The following UBE4A variants were observed in gnomAD, a reference collection of about 807,000 sequenced individuals.
UBE4A encodes the protein ubiquitination factor E4A.
UBE4A carries 48 observed loss-of-function variants against 117.9 expected under a neutral mutation model. The ratio of observed to expected loss-of-function variants is 0.41; its 90% CI spans 0.32 to 0.52. UBE4A has a LOEUF of 0.52. UBE4A is among the 20% of genes least tolerant of loss of function. UBE4A has a pLI of 0.33. For missense variants in UBE4A, 1,067 were observed against 1,296.3 expected (o/e 0.82, Z 2.72); for synonymous variants, 407 against 450.0 (o/e 0.90, Z 1.21).
At chr11:118,395,310 A>G (rs1232292444) in intron 19 of UBE4A, among the ~76,000 whole-genome samples, 1 of 151,758 alleles carries the variant, frequency 6.6e-6, no homozygotes, top group Non-Finnish European at 1.5e-5. Context: ...AGCCAGGGCA[A>G]CAGAACAAGA....
chr11:118,360,508 T>G (rs1948511864), intron 1 of UBE4A, among the ~76,000 whole-genome samples: 1 of 152,236 alleles, frequency 6.6e-6, no homozygotes, highest in South Asian at 2.1e-4. Flanking sequence ...GTTTCTTAAT[T>G]TCTATTTTAA....
At chr11:118,376,521 G>A (rs1948653778) in intron 9 of UBE4A, 53 bp from the exon 10 acceptor site, 3 of 1,597,618 alleles carry the variant, frequency 1.9e-6, no homozygotes, top group Non-Finnish European at 2.6e-6. Flanking sequence ...GAGTGTAAGA[G>A]GAGACTGGAG....
At chr11:118,380,126 TGTGTGTGC>T (rs1299530178) in intron 11 of UBE4A, among the ~76,000 whole-genome samples, 15 of 69,028 alleles carry the variant, frequency 2.2e-4, no homozygotes, top group East Asian at 2.4e-3. Context: ...AGTGTGTGTG[TGTGTGTGC>T]GTGTGTGTGT....
At position 118,373,181 on chromosome 11, in the gene UBE4A, T is replaced by G; in HGVS notation, c.817T>G (p.Phe273Val). Residue 273 changes from phenylalanine (F) to valine (V), a missense_variant, in exon 7 of 20, where the codon TTT (phenylalanine) becomes GTT (valine). Coordinates refer to ENST00000252108, the MANE Select transcript of UBE4A (RefSeq NM_001204077.2). ...ATTTCCAGAAGTCATGATTCCAGTGTTTGATATTTTATTGGGCCGAATAAA... is the reference window on the plus strand; with the variant it reads ...ATTTCCAGAAGTCATGATTCCAGTGGTTGATATTTTATTGGGCCGAATAAA... ...RTFPEVMIPV[F>V]DILLGRIKDL... 6.2e-7 allele frequency: 1 copy of G among 1,614,042 alleles called. No individual in the cohort carries two copies. Among genetic ancestry groups the G allele is most frequent in the South Asian group, 1.1e-5 (1 of 91,068 alleles).
At chr11:118,390,906 G>C in intron 18 of UBE4A, 102 bp downstream of exon 18, 1 of 1,464,568 alleles carries the variant, frequency 6.8e-7, no homozygotes, top group South Asian at 1.2e-5. Context: ...AGAGCCTAAG[G>C]CTAGAGGATC....
At chr11:118,377,370 G>A (rs1246001623) in intron 10 of UBE4A, among the ~76,000 whole-genome samples, 1 of 151,880 alleles carries the variant, frequency 6.6e-6, no homozygotes, top group African/African-American at 2.4e-5. Flanking sequence ...ACCATGCCCA[G>A]CTGATTTTGT....
At chr11:118,364,712 T>A (rs570819587) in intron 1 of UBE4A, among the ~76,000 whole-genome samples, 56 of 152,274 alleles carry the variant, frequency 3.7e-4, no homozygotes, top group African/African-American at 1.3e-3. Context: ...AGGTGAGTTC[T>A]CTCTTTGACT....
intron 9 of UBE4A, among the ~76,000 whole-genome samples, chr11:118,375,550 G>A (rs545277808): frequency 3.3e-5 from 5 of 151,710 alleles, no homozygotes; most frequent in Non-Finnish European, 7.4e-5. Flanking sequence ...TAATAGAGAC[G>A]GAGTTTCACC....
At chr11:118,383,011 T>C (rs1256430919) in intron 13 of UBE4A, among the ~76,000 whole-genome samples, 1 of 152,144 alleles carries the variant, frequency 6.6e-6, no homozygotes, top group Non-Finnish European at 1.5e-5. Flanking sequence ...TTTTTAATTA[T>C]TCTTGTTTTA....
intron 11 of UBE4A, among the ~76,000 whole-genome samples, chr11:118,381,051 C>T (rs1421885281): frequency 6.6e-6 from 1 of 152,110 alleles, no homozygotes; most frequent in African/African-American, 2.4e-5. Context: ...AGTCTGGCTA[C>T]CACAGTCACC....
chr11:118,372,045 A>G (rs928366735), intron 5 of UBE4A, among the ~76,000 whole-genome samples: 1 of 152,202 alleles, frequency 6.6e-6, no homozygotes, highest in Admixed American at 6.5e-5. Flanking sequence ...GGATCACATG[A>G]GGCCAGGAGT....
In UBE4A at chr11:118,375,168, A is replaced by G. The variant is rs782378532; in HGVS notation, c.1389A>G (p.Thr463=). The G allele has an allele frequency of 9.9e-6, 16 of 1,613,832 alleles. No individual in the cohort carries two copies. The African/African-American group carries it at 1.7e-4, about 18-fold the overall frequency. ...RSSRLLTFNP[T]YCALKELNDE... ...CTCGGCTCCTCACCTTTAATCCCAC[A>G]TACTGTGCCCTCAAGGAGTTGAATG... is the stretch of plus-strand genomic sequence containing the variant. The change falls in exon 9 of 20, where the codon ACA becomes ACG. Residue 463 remains threonine, a synonymous_variant. Coordinates refer to ENST00000252108, the MANE Select transcript of UBE4A (RefSeq NM_001204077.2).
intron 2 of UBE4A, 150 bp from the exon 3 acceptor site, chr11:118,368,481 C>A: frequency 1.1e-6 from 1 of 910,040 alleles, no homozygotes; most frequent in Non-Finnish European, 1.7e-6. Flanking sequence ...CTATATTTAA[C>A]TTCCCTGACT....
At chr11:118,383,759 A>G (rs1948728901) in intron 13 of UBE4A, among the ~76,000 whole-genome samples, 1 of 152,094 alleles carries the variant, frequency 6.6e-6, no homozygotes, top group South Asian at 2.1e-4. Context: ...GATAAATACA[A>G]CTAACATTTA....
In UBE4A at chr11:118,373,217, C is replaced by G. The variant is rs553583065; in HGVS notation, c.853C>G (p.Leu285Val). 1.5e-5 allele frequency: 24 copies of G among 1,613,860 alleles called. No individual in the cohort carries two copies. The highest frequency in any genetic ancestry group is 2.0e-5 in the Non-Finnish European group (24 of 1,180,008). ...ILLGRIKDLELCQILLYAYLD... is the reference protein window; with the variant it reads ...ILLGRIKDLEVCQILLYAYLD... ...ATTGGGCCGAATAAAAGATCTAGAG[C>G]TCTGTCAGATCCTTTTGTATGCATA... Residue 285 changes from leucine to valine, a missense_variant, in exon 7 of 20, where the codon CTC becomes GTC. Physicochemically the swap from Leu to Val is conservative, Grantham distance 32 (BLOSUM62 1). Around this residue, in one of 3 missense-constraint regions of UBE4A, gnomAD observed 1,001 missense variants for 1,184.0 expected, o/e 0.85. Coordinates refer to ENST00000252108, the MANE Select transcript of UBE4A (RefSeq NM_001204077.2).
intron 2 of UBE4A, 84 bp from the exon 3 acceptor site, chr11:118,368,547 C>T: frequency 7.1e-7 from 1 of 1,411,824 alleles, no homozygotes. Context: ...TTATCATCTT[C>T]TTGGTTACAT....
chr11:118,384,677 C>T lies in UBE4A; in HGVS notation c.2240C>T (p.Pro747Leu). The T allele has an allele frequency of 1.9e-6, 3 of 1,613,992 alleles. No homozygotes were observed. The highest frequency in any genetic ancestry group is 2.5e-6 in the Non-Finnish European group (3 of 1,179,984). The change falls in exon 14 of 20, where the codon CCC becomes CTC. Residue 747 changes from proline (P) to leucine (L), a missense_variant. Transcript: ENST00000252108. ...QFEQKFNYRR[P>L]MYPILRYMWG... ...GAACAGAAGTTTAATTACCGCCGTC[C>T]CATGTATCCTATCCTAAGATACATG...
At chr11:118,378,639 G>A (rs1948674270) in intron 10 of UBE4A, 1 of 152,176 alleles carries the variant, frequency 6.6e-6, no homozygotes, top group Admixed American at 6.5e-5. Context: ...GCCGGAAGAA[G>A]GAAATTATGT....
rs116220258 is a variant in UBE4A, at chr11:118,363,370, C to T, written c.-41-1670C>T. ...CAGCCTGGCCAACATGGTGATACCC[C>T]GTCTCTACTAAAAATCCAAATAACA... On this transcript the variant is annotated intron_variant, in intron 1 of 19. Transcript: ENST00000252108. 9.8e-3 allele frequency among the ~76,000 whole-genome samples: 1,492 copies of T among 152,124 alleles called. 16 individuals carry two copies. The highest frequency in any genetic ancestry group is 0.034 in the African/African-American group (1,413 of 41,506).
Sources: allele counts gnomAD v4.1 joint callset (sites outside exome capture counted in the v4.1 genomes callset), GRCh38; gene constraint gnomAD v4.1.1; regional missense constraint gnomAD v4.1.1; transcripts MANE v1.5; gene names NCBI Gene and HGNC (gene_info 2026-07-23, HGNC 2026-07-21).